The following ITGBL1 variants were observed in gnomAD, a reference collection of about 807,000 sequenced individuals.
The protein encoded by ITGBL1 is integrin subunit beta like 1.
A neutral mutation model predicts 68.5 loss-of-function variants in ITGBL1; 51 were observed. The observed-to-expected ratio is 0.74, with a 90% CI of 0.59 to 0.94. The LOEUF (loss-of-function observed/expected upper bound fraction) is 0.94. ITGBL1 is among the 40% of genes least tolerant of loss of function. The pLI is 0.00. For missense variants in ITGBL1, 649 were observed against 647.4 expected (o/e 1.00, Z -0.03); for synonymous variants, 209 against 227.3 (o/e 0.92, Z 0.72).
At chr13:101,471,570 A>G (rs78240574) in intron 2 of ITGBL1, among the ~76,000 whole-genome samples, 1,732 of 128,482 alleles carry the variant, frequency 0.013, 39 homozygotes, top group East Asian at 0.12. Context: ...GTGTGTGTGT[A>G]TATATATTTC....
At chr13:101,698,700 A>T (rs889973070) in intron 8 of ITGBL1, among the ~76,000 whole-genome samples, 4 of 152,236 alleles carry the variant, frequency 2.6e-5, no homozygotes, top group Admixed American at 1.3e-4. Flanking sequence ...GTCCAGTGAT[A>T]GTTCGTAAGA....
At chr13:101,647,978 T>G (rs1286742680) in intron 7 of ITGBL1, among the ~76,000 whole-genome samples, 1 of 152,166 alleles carries the variant, frequency 6.6e-6, no homozygotes, top group Non-Finnish European at 1.5e-5. Flanking sequence ...ATGGACCTCA[T>G]GTTCTTACAG....
At chr13:101,541,479 G>A (rs904486928) in intron 2 of ITGBL1, among the ~76,000 whole-genome samples, 19 of 152,056 alleles carry the variant, frequency 1.2e-4, no homozygotes, top group East Asian at 1.9e-4. Context: ...GGATTTCTGC[G>A]TCAATGTTCA....
intron 2 of ITGBL1, among the ~76,000 whole-genome samples, chr13:101,558,573 G>A (rs900981838): frequency 1.1e-4 from 17 of 152,082 alleles, no homozygotes; most frequent in Non-Finnish European, 4.4e-5. Flanking sequence ...CCTTTCTCTC[G>A]TTCCCTTCTC....
chr13:101,714,178 A>G (rs986166777), intron 9 of ITGBL1: 2 of 422,514 alleles, frequency 4.7e-6, no homozygotes, highest in African/African-American at 4.0e-5. Context: ...GCTCTCATTG[A>G]CATTTCAACC....
chr13:101,539,418 A>T (rs9554796), intron 2 of ITGBL1, among the ~76,000 whole-genome samples: 31,091 of 151,910 alleles, frequency 0.2, 3,713 homozygotes, highest in East Asian at 0.44. Flanking sequence ...TCCATGGTGT[A>T]TATGTGCCAC....
chr13:101,669,111 G>A (rs756980212), intron 7 of ITGBL1, among the ~76,000 whole-genome samples: 10 of 149,304 alleles, frequency 6.7e-5, no homozygotes, highest in South Asian at 4.2e-4. Flanking sequence ...TACCTTTTTC[G>A]TTAAAAAAAA....
chr13:101,572,752 G>A (rs902862815), intron 3 of ITGBL1, among the ~76,000 whole-genome samples: 45 of 152,080 alleles, frequency 3.0e-4, no homozygotes, highest in Non-Finnish European at 2.9e-4. Context: ...GTGGATGAGA[G>A]GGAGCTGCCT....
intron 7 of ITGBL1, among the ~76,000 whole-genome samples, chr13:101,603,774 A>G (rs2030533274): frequency 6.6e-6 from 1 of 151,952 alleles, no homozygotes; most frequent in South Asian, 2.1e-4. Flanking sequence ...TGGGAAGTAA[A>G]GAAAATGACT....
intron 7 of ITGBL1, among the ~76,000 whole-genome samples, chr13:101,668,932 A>G (rs944123079): frequency 6.6e-6 from 1 of 152,158 alleles, no homozygotes; most frequent in Non-Finnish European, 1.5e-5. Flanking sequence ...TCTATGAGGA[A>G]GCACACATTC....
intron 7 of ITGBL1, among the ~76,000 whole-genome samples, chr13:101,631,197 A>AG (rs1382904123): frequency 2.0e-5 from 3 of 152,202 alleles, no homozygotes. Flanking sequence ...TCATGAAATC[A>AG]TATTTGATCG....
At chr13:101,586,271 A>G (rs930901210) in intron 6 of ITGBL1, among the ~76,000 whole-genome samples, 1 of 152,110 alleles carries the variant, frequency 6.6e-6, no homozygotes, top group African/African-American at 2.4e-5. Flanking sequence ...ATGGACAGGT[A>G]GGGGTAGGAA....
chr13:101,488,739 C>T (rs2048735025), intron 2 of ITGBL1, among the ~76,000 whole-genome samples: 1 of 152,078 alleles, frequency 6.6e-6, no homozygotes, highest in African/African-American at 2.4e-5. Context: ...TTGCGTCTTC[C>T]TCATGGAATT....
chr13:101,601,242 T>C (rs895748978), intron 7 of ITGBL1, among the ~76,000 whole-genome samples: 3 of 152,228 alleles, frequency 2.0e-5, no homozygotes, highest in African/African-American at 7.2e-5. Context: ...TATAGTATTC[T>C]CTGATGGTAG....
At position 101,716,338 on chromosome 13, in the gene ITGBL1, G is replaced by A. The variant is rs1430937647; in HGVS notation, c.*684G>A. On this transcript the variant is annotated 3_prime_UTR_variant, in exon 11 of 11. Transcript: ENST00000376180. ...TGACATTAAATCATTTAGCCACTAA[G>A]TTATTTGTCTACTCTCACTTTAAAC... 6.6e-6 allele frequency: 1 copy of A among 152,096 alleles called. No homozygotes were observed. The highest frequency in any genetic ancestry group is 2.4e-5 in the African/African-American group (1 of 41,418). 9.4% of individuals were successfully genotyped at this position (152,096 alleles called of 1,614,324 possible).
Position 101,587,948 on chromosome 13 carries a change from C to G in ITGBL1, c.868+4592C>G, listed in dbSNP as rs79636559. ...CATGTTAACAGACGATTCAAATTCA[C>G]AGGCATTTTTTGATCCTTTAAAAAG... On this transcript the variant is annotated intron_variant, in intron 6 of 10. Coordinates refer to ENST00000376180, the MANE Select transcript of ITGBL1 (RefSeq NM_004791.3). Among the ~76,000 whole-genome samples the G allele has an allele frequency of 9.0e-3, 1,366 of 151,584 alleles. 19 individuals are homozygous for G. Among genetic ancestry groups the G allele is most frequent in the African/African-American group, 0.032 (1,290 of 40,896 alleles).
Position 101,551,702 on chromosome 13 carries a change from G to A in ITGBL1, c.317-15997G>A, listed in dbSNP as rs7324304. On this transcript the variant is annotated intron_variant, in intron 2 of 10. Transcript: ENST00000376180. The stretch of plus-strand genomic sequence containing the variant: ...TTCTGTTTTTCATGCCATTTTGCAA[G>A]TCAAAGTGATTTTTAACTCAGAAGA... 3.9e-3 allele frequency among the ~76,000 whole-genome samples: 590 copies of A among 152,242 alleles called. 7 individuals are homozygous for A. Among genetic ancestry groups the A allele is most frequent in the Middle Eastern group, 0.014 (4 of 294 alleles).
chr13:101,583,928 C>T (rs1361784867), intron 6 of ITGBL1, among the ~76,000 whole-genome samples: 1 of 152,158 alleles, frequency 6.6e-6, no homozygotes, highest in Non-Finnish European at 1.5e-5. Flanking sequence ...GATAGCTACT[C>T]AGTTCAACTC....
intron 2 of ITGBL1, among the ~76,000 whole-genome samples, chr13:101,465,262 G>T (rs2048368252): frequency 6.6e-6 from 1 of 152,056 alleles, no homozygotes; most frequent in Non-Finnish European, 1.5e-5. Context: ...CATTTTTGTG[G>T]AGTATTTGGA....
Sources: gnomAD v4.1 joint callset for allele counts (sites outside exome capture counted in the v4.1 genomes callset) on GRCh38, gnomAD v4.1.1 for gene constraint, MANE v1.5 for transcripts, NCBI Gene and HGNC (gene_info 2026-07-23, HGNC 2026-07-21) for gene names.